TENM2: variants seen among roughly 807,000 people sequenced by gnomAD.
The protein encoded by TENM2 is teneurin-2.
In TENM2, 52 loss-of-function variants were observed where a neutral mutation model predicts 245.2. That is an observed-to-expected ratio of 0.21 (90% confidence interval 0.17 to 0.27). The LOEUF is 0.27. Among genes scored for constraint, TENM2 ranks in the 10% least tolerant of loss-of-function variants. TENM2 has a pLI of 1.00. For missense variants in TENM2, 3,046 were observed against 3,666.8 expected (o/e 0.83, Z 4.37); for synonymous variants, 1,363 against 1,438.9 (o/e 0.95, Z 1.19).
chr5:167,783,210 T>C (rs182979164), intron 2 of TENM2, among the ~76,000 whole-genome samples: 85 of 151,272 alleles, frequency 5.6e-4, no homozygotes, highest in Non-Finnish European at 1.0e-3. Flanking sequence ...TTTGTTTGTG[T>C]CTTTTTTCCT....
rs1428938517 is a variant in TENM2 at position 168,218,520 on chromosome 5, G to T, written c.4629G>T (p.Leu1543Phe). Residue 1543 changes from leucine (L) to phenylalanine (F), a missense_variant, in exon 23 of 29, where the codon TTG (leucine) becomes TTT (phenylalanine). Coordinates refer to ENST00000518659, the Ensembl canonical transcript of TENM2. This position sits in a 1 kb window ranked among gnomAD's most constrained non-coding sequence, Gnocchi z 5.2. ...ATGCCTACGCGACTGATGCCATCTTGAATTCCCCATCATCCTTAGCTGTAG... is the reference window on the plus strand; with the variant it reads ...ATGCCTACGCGACTGATGCCATCTTTAATTCCCCATCATCCTTAGCTGTAG... 1 of 1,614,028 alleles carries T rather than the reference G, an allele frequency of 6.2e-7. No individual in the cohort carries two copies. The highest frequency in any genetic ancestry group is 8.5e-7 in the Non-Finnish European group (1 of 1,179,902).
chr5:167,542,584 T>C (rs1376416250), intron 2 of TENM2, among the ~76,000 whole-genome samples: 1 of 152,166 alleles, frequency 6.6e-6, no homozygotes, highest in South Asian at 2.1e-4. Flanking sequence ...TATCCCTGGG[T>C]CATTGCCAAA....
At chr5:168,130,212 A>G (rs1457005722) in intron 12 of TENM2, 5 of 152,384 alleles carry the variant, frequency 3.3e-5, no homozygotes, top group Admixed American at 1.3e-4. Flanking sequence ...TTGCAACCAA[A>G]TTATTTATAT....
chr5:167,588,412 C>A (rs1775652365), intron 2 of TENM2, among the ~76,000 whole-genome samples: 1 of 152,188 alleles, frequency 6.6e-6, no homozygotes, highest in African/African-American at 2.4e-5. Context: ...GAGAGCATTT[C>A]TTTCTCTCCA....
intron 2 of TENM2, among the ~76,000 whole-genome samples, chr5:167,732,789 A>G (rs1429426021): frequency 6.6e-6 from 1 of 152,204 alleles, no homozygotes; most frequent in African/African-American, 2.4e-5. Flanking sequence ...CCGATTTACA[A>G]ACAGACCATA....
the TENM2 span, among the ~76,000 whole-genome samples, chr5:166,997,501 C>T: frequency 5.3e-5 from 8 of 152,154 alleles, no homozygotes; most frequent in African/African-American, 1.9e-4. Context: ...AGGGCCCTCC[C>T]TGAAGTACAT....
At chr5:167,293,666 G>C (rs374252803) in intron 1 of TENM2, among the ~76,000 whole-genome samples, 1 of 152,056 alleles carries the variant, frequency 6.6e-6, no homozygotes, top group Admixed American at 6.6e-5. Flanking sequence ...AAAGGTCAAC[G>C]CTTGCAAATA....
At chr5:167,885,509 TA>T (rs1376459415) in intron 3 of TENM2, among the ~76,000 whole-genome samples, 1 of 152,070 alleles carries the variant, frequency 6.6e-6, no homozygotes, top group Non-Finnish European at 1.5e-5. Flanking sequence ...CTACTGAACA[TA>T]AACAATTTTA....
At chr5:167,367,645 A>G (rs1374794536) in intron 1 of TENM2, among the ~76,000 whole-genome samples, 4 of 152,060 alleles carry the variant, frequency 2.6e-5, no homozygotes, top group African/African-American at 9.7e-5. Context: ...AGGCTTTTAT[A>G]TTTGTATAAA....
chr5:168,234,979 C>A (rs1322787746), intron 25 of TENM2, among the ~76,000 whole-genome samples: 1 of 152,088 alleles, frequency 6.6e-6, no homozygotes, highest in Non-Finnish European at 1.5e-5. Context: ...TACGTGTTGG[C>A]ATGTGTTACT....
At chr5:167,957,683 T>G (rs1780670668) in intron 4 of TENM2, among the ~76,000 whole-genome samples, 1 of 152,242 alleles carries the variant, frequency 6.6e-6, no homozygotes, top group African/African-American at 2.4e-5. Context: ...GTCTTTGTTC[T>G]CATTGGTTTC....
At chr5:168,055,749 G>A (rs910566698) in intron 6 of TENM2, among the ~76,000 whole-genome samples, 10 of 152,256 alleles carry the variant, frequency 6.6e-5, no homozygotes, top group East Asian at 5.8e-4. Flanking sequence ...ACAGAAGGAC[G>A]TAGAGCACCT....
the TENM2 span, among the ~76,000 whole-genome samples, chr5:167,202,413 T>G: frequency 6.6e-6 from 1 of 152,134 alleles, no homozygotes. Flanking sequence ...TTCTTCAGGA[T>G]TCATTCTTCT....
chr5:167,175,379 G>T, the TENM2 span, among the ~76,000 whole-genome samples: 1 of 152,192 alleles, frequency 6.6e-6, no homozygotes, highest in African/African-American at 2.4e-5. Context: ...GCTTTAAAAT[G>T]ATGTAATAAA....
Position 167,436,076 on chromosome 5 carries a change from T to C in TENM2, c.502+60603T>C, listed in dbSNP as rs894067205. Reference sequence around the variant, plus strand: ...CACTGTAACCTCTGCCTGCCTGGGTTCAAGCGATTCTCCTGCCTCAGCCTC... The same window carrying C: ...CACTGTAACCTCTGCCTGCCTGGGTCCAAGCGATTCTCCTGCCTCAGCCTC... On this transcript the variant is annotated intron_variant, in intron 2 of 28. Transcript: ENST00000518659. Among the ~76,000 whole-genome samples the C allele has an allele frequency of 4.0e-5, 6 of 148,168 alleles. No homozygotes were observed. The Admixed American group carries it at 4.2e-4, about 10-fold the overall frequency.
At chr5:167,680,715 C>T (rs1312319134) in intron 2 of TENM2, among the ~76,000 whole-genome samples, 1 of 152,090 alleles carries the variant, frequency 6.6e-6, no homozygotes, top group African/African-American at 2.4e-5. Flanking sequence ...CCCAATAATG[C>T]TTAGGAAATG....
chr5:168,216,688 C>A, intron 21 of TENM2, 80 bp from the exon 24 acceptor site: 1 of 1,387,214 alleles, frequency 7.2e-7, no homozygotes. Flanking sequence ...GAGTGCTCAG[C>A]AAGGCATCTC....
At chr5:167,687,868 A>G (rs1453577497) in intron 2 of TENM2, among the ~76,000 whole-genome samples, 1 of 152,226 alleles carries the variant, frequency 6.6e-6, no homozygotes, top group Non-Finnish European at 1.5e-5. Context: ...TTGAAAATAG[A>G]CTGCAGTCTT....
chr5:167,637,341 T>C (rs572791078), intron 2 of TENM2, among the ~76,000 whole-genome samples: 1 of 152,310 alleles, frequency 6.6e-6, no homozygotes, highest in Admixed American at 6.5e-5. Flanking sequence ...GGGTAGGATT[T>C]CAATTCAAGT....
Sources: allele counts gnomAD v4.1 joint callset (sites outside exome capture counted in the v4.1 genomes callset), GRCh38; gene constraint gnomAD v4.1.1; non-coding constraint Gnocchi (gnomAD v3.1); transcripts MANE v1.5; gene names NCBI Gene and HGNC (gene_info 2026-07-23, HGNC 2026-07-21).